CAPN14: variants seen among roughly 807,000 people sequenced by gnomAD.
CAPN14 encodes calpain-14.
Under a neutral mutation model 101.3 loss-of-function variants are expected in CAPN14, and 94 were observed. That is an observed-to-expected ratio of 0.93 (90% CI 0.79 to 1.10). The LOEUF is 1.10. Among genes scored for constraint, CAPN14 ranks in the 50% least tolerant of loss-of-function variants. The pLI, the probability that CAPN14 is intolerant of heterozygous loss-of-function variation, is 0.00. For synonymous variants in CAPN14, 338 were observed against 317.9 expected, an observed-to-expected ratio of 1.06 and a Z score of -0.67; for missense variants, 837 against 828.4, an observed-to-expected ratio of 1.01 and a Z score of -0.13.
Position 31,209,730 on chromosome 2 carries a change from G to A in CAPN14, c.-52-4231C>T, listed in dbSNP as rs1024753365. On this transcript the variant is annotated intron_variant, in intron 1 of 21. Transcript: ENST00000403897. ...GGTCTCAGTGATATTTCAGTAGCCA[G>A]TGTGAGCAGGATGACAGGAGCCAGC... 2.6e-5 allele frequency among the ~76,000 whole-genome samples: 4 copies of A among 151,954 alleles called. No individual in the cohort carries two copies. The South Asian group carries it at 6.2e-4, about 24-fold the overall frequency.
intron 12 of CAPN14, 89 bp downstream of exon 12, chr2:31,191,310 C>G (rs1211619149): frequency 2.3e-6 from 3 of 1,286,876 alleles, no homozygotes; most frequent in Non-Finnish European, 2.2e-6. Context: ...GCAGTAGAAG[C>G]CTGCTCCAGT....
chr2:31,177,941 G>A, intron 18 of CAPN14, 120 bp from the exon 19 acceptor site: 1 of 713,592 alleles, frequency 1.4e-6, no homozygotes, highest in Non-Finnish European at 2.5e-6. Flanking sequence ...GGCTCCACAT[G>A]CAGGGCCTGT....
intron 1 of CAPN14, among the ~76,000 whole-genome samples, chr2:31,207,337 A>C (rs1682152215): frequency 6.6e-6 from 1 of 152,036 alleles, no homozygotes; most frequent in Admixed American, 6.5e-5. Flanking sequence ...TTGGGCACCT[A>C]CTGTCTTGGT....
rs1681699546 is a variant in CAPN14, at chr2:31,200,516, G to A, written c.661C>T (p.Leu221Phe). Residue 221 changes from leucine (L) to phenylalanine (F), a missense_variant, in exon 6 of 22, where the codon CTC (leucine) becomes TTC (phenylalanine). Physicochemically the swap from Leu to Phe is conservative, Grantham distance 22 (BLOSUM62 0). Transcript: ENST00000403897. ...GTGGCTTCGATGAGGATGTCCCAGA[G>A]GTTGCCATGGGCTTCTGCCAGGTTG... ...TINLAEAHGNLWDILIEATYN... is the reference protein window; with the variant it reads ...TINLAEAHGNFWDILIEATYN... 1 of 1,551,530 alleles carries A rather than the reference G, an allele frequency of 6.4e-7. No individual in the cohort carries two copies. The highest frequency in any genetic ancestry group is 1.4e-5 in the African/African-American group (1 of 73,150).
At position 31,200,452 on chromosome 2, in the gene CAPN14, C is replaced by T. The variant is rs1037415232; in HGVS notation, c.725G>A (p.Gly242Glu). ...RTLIGCQTHS[G>E]EKILENGLVE... ...CTGCCAGTGGCAGCCCAGTCTCACCCCTGAGTGGGTCTGGCAGCCAATGAG... is the reference window on the plus strand; with the variant it reads ...CTGCCAGTGGCAGCCCAGTCTCACCTCTGAGTGGGTCTGGCAGCCAATGAG... Residue 242 changes from glycine to glutamate, a missense_variant and splice_region_variant, in exon 6 of 22, where the codon GGG becomes GAG. Coordinates refer to ENST00000403897, the MANE Select transcript of CAPN14 (RefSeq NM_001145122.2). 4 of 1,548,600 alleles carry T rather than the reference C, an allele frequency of 2.6e-6. No homozygotes were observed. Among genetic ancestry groups the T allele is most frequent in the Non-Finnish European group, 3.5e-6 (4 of 1,146,212 alleles).
intron 1 of CAPN14, among the ~76,000 whole-genome samples, chr2:31,209,622 A>G (rs1293108790): frequency 2.0e-5 from 3 of 152,166 alleles, no homozygotes; most frequent in Admixed American, 6.5e-5. Context: ...AGTGTTTACT[A>G]AAAGGTAAAT....
chr2:31,180,224 C>G (rs911663504), intron 17 of CAPN14, among the ~76,000 whole-genome samples: 1 of 152,152 alleles, frequency 6.6e-6, no homozygotes, highest in African/African-American at 2.4e-5. Flanking sequence ...TGGAGAGGGT[C>G]TGATCTTGTT....
intron 17 of CAPN14, among the ~76,000 whole-genome samples, chr2:31,180,025 TAA>T (rs1680508785): frequency 6.6e-6 from 1 of 152,222 alleles, no homozygotes; most frequent in Non-Finnish European, 1.5e-5. Flanking sequence ...TACATTTTTT[TAA>T]GTTTAATGGT....
At chr2:31,219,669 C>T (rs968457964), upstream of CAPN14, among the ~76,000 whole-genome samples, 1 of 152,182 alleles carries the variant, frequency 6.6e-6, no homozygotes, top group Non-Finnish European at 1.5e-5. Context: ...ATGCATTCCT[C>T]GGCTGGTGGC....
At chr2:31,206,654 C>T (rs931326018) in intron 1 of CAPN14, among the ~76,000 whole-genome samples, 2 of 152,208 alleles carry the variant, frequency 1.3e-5, no homozygotes, top group African/African-American at 4.8e-5. Context: ...CAAATACCAA[C>T]AGTTGCCAGT....
In CAPN14 at chr2:31,205,125, G is replaced by A. The variant is rs1682002108; in HGVS notation, c.225+98C>T. ...GTGTTGAGTGGAGAGGAGAGAGTAGGAAAAAGCCTGTTTTTTTCTCCCATA... is the reference window on the plus strand; with the variant it reads ...GTGTTGAGTGGAGAGGAGAGAGTAGAAAAAAGCCTGTTTTTTTCTCCCATA... On this transcript the variant is annotated intron_variant, in intron 2 of 21. Coordinates refer to ENST00000403897, the MANE Select transcript of CAPN14 (RefSeq NM_001145122.2). 1.0e-5 allele frequency: 11 copies of A among 1,056,998 alleles called. No individual in the cohort carries two copies. In the South Asian group the frequency reaches 1.6e-4, roughly 15 times the overall value. The allele number at this position is 1,056,998 out of a possible 1,614,324, so 65.5% of individuals were successfully genotyped here. A position where few individuals can be genotyped will look rare whatever the true frequency, so the allele number is the denominator to read the frequency against.
intron 3 of CAPN14, among the ~76,000 whole-genome samples, 197 bp downstream of exon 3, chr2:31,202,873 T>A (rs920993508): frequency 2.0e-5 from 3 of 152,120 alleles, no homozygotes; most frequent in Non-Finnish European, 4.4e-5. Context: ...TTCCCACGCA[T>A]CCCCAGAGGA....
chr2:31,213,976 T>C (rs1437227511), intron 1 of CAPN14, among the ~76,000 whole-genome samples: 1 of 152,210 alleles, frequency 6.6e-6, no homozygotes, highest in Non-Finnish European at 1.5e-5. Context: ...TTAGATCAAG[T>C]TTCTAACAGA....
At position 31,177,030 on chromosome 2, in the gene CAPN14, C is replaced by T; in HGVS notation, c.1968G>A (p.Met656Ile). 6.4e-7 allele frequency: 1 copy of T among 1,550,494 alleles called. No individual in the cohort carries two copies. The change falls in exon 20 of 22, where the codon ATG (methionine) becomes ATA (isoleucine). Residue 656 changes from methionine to isoleucine, a missense_variant. By Grantham distance (10) the Met-to-Ile change is conservative (BLOSUM62 1). Coordinates refer to ENST00000403897, the MANE Select transcript of CAPN14 (RefSeq NM_001145122.2). ...CCCAGCTTCCCGCCAGCTTACCCTC[C>T]ATGTTCTCTACACGCAGCATCAAGT... is the stretch of plus-strand genomic sequence containing the variant. ...FIHLMLRVEN[M>I]EDVFQNLTQD...
chr2:31,208,785 T>C (rs6728152), intron 1 of CAPN14, among the ~76,000 whole-genome samples: 7,468 of 152,236 alleles, frequency 0.049, 191 homozygotes, highest in African/African-American at 0.057. Context: ...ATTTTGACTA[T>C]TGTAAGTGAG....
At chr2:31,205,134 T>C in intron 2 of CAPN14, 89 bp downstream of exon 2, 1 of 1,132,006 alleles carries the variant, frequency 8.8e-7, no homozygotes, top group Non-Finnish European at 1.3e-6. Context: ...GGAAAAAGCC[T>C]GTTTTTTTCT....
chr2:31,226,807 A>G (rs1462026405), intron 1 of CAPN14, among the ~76,000 whole-genome samples: 1 of 152,116 alleles, frequency 6.6e-6, no homozygotes, highest in Non-Finnish European at 1.5e-5. Context: ...TCACCTGCCC[A>G]TTCCCCTCAT....
At position 31,174,518 on chromosome 2, in the gene CAPN14, C is replaced by T. The variant is rs925067692; in HGVS notation, c.*163G>A. On this transcript the variant is annotated 3_prime_UTR_variant, in exon 22 of 22. Transcript: ENST00000403897. ...TCCCTTTCTGCATGCTGGCCATGCA[C>T]GGGGAGGGCTGCAGAAGAGAAACCT... 13 of 670,476 alleles carry T rather than the reference C, an allele frequency of 1.9e-5. No individual in the cohort carries two copies. The highest frequency in any genetic ancestry group is 4.0e-4 in the Middle Eastern group (1 of 2,470). 41.5% of individuals were successfully genotyped at this position (670,476 alleles called of 1,614,324 possible). A position where few individuals can be genotyped will look rare whatever the true frequency, so the allele number is the denominator to read the frequency against.
rs1001557702 is a variant in CAPN14 at position 31,191,881 on chromosome 2, G to C, written c.1278+54C>G. The C allele has an allele frequency of 3.5e-6, 5 of 1,443,868 alleles. No individual in the cohort carries two copies. In the South Asian group the frequency reaches 4.2e-5, roughly 12 times the overall value. 89.4% of individuals were successfully genotyped at this position (1,443,868 alleles called of 1,614,324 possible). A position where few individuals can be genotyped will look rare whatever the true frequency, so the allele number is the denominator to read the frequency against. ...CAGGAAACAGGAAGACATGGTAACT[G>C]TTGGTGACCCCCACGCTTGGTCCCA... On this transcript the variant is annotated intron_variant, in intron 11 of 21. Transcript: ENST00000403897.
Sources: gnomAD v4.1 joint callset for allele counts (sites outside exome capture counted in the v4.1 genomes callset) on GRCh38, gnomAD v4.1.1 for gene constraint, MANE v1.5 for transcripts, NCBI Gene and HGNC (gene_info 2026-07-23, HGNC 2026-07-21) for gene names.